ANKRD30B: variants seen among roughly 807,000 people sequenced by gnomAD.
The protein encoded by ANKRD30B is ankyrin repeat domain 30B, also known as ankyrin repeat domain-containing protein 30B.
In ANKRD30B, 144 loss-of-function variants were observed where a neutral mutation model predicts 202.2. The ratio of observed to expected loss-of-function variants is 0.71; its 90% confidence interval spans 0.62 to 0.82. The LOEUF (loss-of-function observed/expected upper bound fraction) is 0.82. ANKRD30B is among the 40% of genes least tolerant of loss of function. The probability of loss-of-function intolerance (pLI) is 0.00; values close to 1 mark genes in which losing one functional copy is unlikely to be tolerated. For synonymous variants in ANKRD30B, 508 were observed against 561.3 expected (o/e 0.91, Z 1.34); for missense variants, 1,487 against 1,669.1 (o/e 0.89, Z 1.90).
At chr18:14,805,022 C>A (rs1487197350) in intron 24 of ANKRD30B, among the ~76,000 whole-genome samples, 13 of 150,396 alleles carry the variant, frequency 8.6e-5, no homozygotes, top group African/African-American at 3.2e-4. Flanking sequence ...TAGGACTAAA[C>A]CTCAGTGACT....
the ANKRD30B span, among the ~76,000 whole-genome samples, chr18:14,919,921 T>A: frequency 6.6e-6 from 1 of 152,196 alleles, no homozygotes; most frequent in Non-Finnish European, 1.5e-5. Flanking sequence ...AAGTCCAGGC[T>A]TCTGTGCTGG....
At chr18:14,872,520 C>T in the ANKRD30B span, among the ~76,000 whole-genome samples, 1 of 152,104 alleles carries the variant, frequency 6.6e-6, no homozygotes. Context: ...TGCACTGCTG[C>T]CATTGGTTAT....
At chr18:14,780,380 G>T (rs1012482984) in intron 11 of ANKRD30B, among the ~76,000 whole-genome samples, 18 of 152,050 alleles carry the variant, frequency 1.2e-4, no homozygotes, top group Non-Finnish European at 1.9e-4. Context: ...GGGAGGAGGA[G>T]GTTGCAGTGA....
chr18:14,893,502 T>C, the ANKRD30B span, among the ~76,000 whole-genome samples: 4 of 152,124 alleles, frequency 2.6e-5, no homozygotes, highest in African/African-American at 7.2e-5. Context: ...TCCCAGTTAC[T>C]CGGGAGGCTG....
chr18:14,797,391 A>G (rs1466885648), intron 18 of ANKRD30B, among the ~76,000 whole-genome samples: 1 of 152,124 alleles, frequency 6.6e-6, no homozygotes, highest in East Asian at 1.9e-4. Flanking sequence ...TGGCAGTCCA[A>G]CCTGGCATTG....
chr18:14,810,195 T>A lies in ANKRD30B; in HGVS notation c.2488+15T>A. On this transcript the variant is annotated intron_variant, in intron 28 of 43. Coordinates refer to ENST00000690538, the MANE Select transcript of ANKRD30B (RefSeq NM_001367607.2). The stretch of plus-strand genomic sequence containing the variant: ...ATTAAAAGCAGGTAAACTTTGTAAT[T>A]TAAATTTTACTCTGGAATTAAGAAT... The A allele has an allele frequency of 1.5e-6, 2 of 1,317,718 alleles. No individual in the cohort carries two copies. The highest frequency in any genetic ancestry group is 2.8e-5 in the South Asian group (2 of 72,694). The allele number at this position is 1,317,718 out of a possible 1,614,324, so 81.6% of individuals were successfully genotyped here.
At chr18:14,772,903 G>A (rs1967105343) in intron 9 of ANKRD30B, among the ~76,000 whole-genome samples, 1 of 152,008 alleles carries the variant, frequency 6.6e-6, no homozygotes, top group African/African-American at 2.4e-5. Flanking sequence ...GATTGCTTGA[G>A]CCCAAGAGTT....
At chr18:14,874,819 GT>G in the ANKRD30B span, among the ~76,000 whole-genome samples, 1 of 152,172 alleles carries the variant, frequency 6.6e-6, no homozygotes, top group South Asian at 2.1e-4. Context: ...AGATAGTATA[GT>G]TTGATTCTTC....
intron 24 of ANKRD30B, among the ~76,000 whole-genome samples, chr18:14,805,002 A>T (rs903135034): frequency 6.6e-6 from 1 of 150,670 alleles, no homozygotes; most frequent in African/African-American, 2.5e-5. Flanking sequence ...AATCATGAGG[A>T]TTACTAGAAT....
intron 24 of ANKRD30B, 128 bp from the exon 25 acceptor site, chr18:14,808,423 C>A: frequency 9.6e-7 from 1 of 1,037,676 alleles, no homozygotes; most frequent in Admixed American, 1.9e-5. Flanking sequence ...CCAAAAGACC[C>A]CAAAACCTAG....
the ANKRD30B span, among the ~76,000 whole-genome samples, chr18:14,886,277 T>A: frequency 1.3e-5 from 2 of 152,040 alleles, no homozygotes; most frequent in Non-Finnish European, 2.9e-5. Context: ...TGCATGACCT[T>A]AGGTTTATCA....
At chr18:14,864,799 T>G in the ANKRD30B span, among the ~76,000 whole-genome samples, 1 of 151,826 alleles carries the variant, frequency 6.6e-6, no homozygotes, top group East Asian at 2.0e-4. Context: ...TATCATCTTT[T>G]TCTCCCATCC....
chr18:14,834,031 T>G (rs1971070797), intron 34 of ANKRD30B, among the ~76,000 whole-genome samples: 1 of 152,226 alleles, frequency 6.6e-6, no homozygotes, highest in Non-Finnish European at 1.5e-5. Context: ...GATTTATTCT[T>G]TTTTCTCTGT....
chr18:14,938,727 C>T, the ANKRD30B span, among the ~76,000 whole-genome samples: 11 of 152,244 alleles, frequency 7.2e-5, no homozygotes, highest in East Asian at 5.8e-4. Context: ...ACCCATGAGG[C>T]GTAAGCATAT....
chr18:14,887,554 T>C, the ANKRD30B span, among the ~76,000 whole-genome samples: 3 of 152,056 alleles, frequency 2.0e-5, no homozygotes, highest in African/African-American at 7.2e-5. Context: ...GAGACATCTA[T>C]TGTAAGCATT....
At chr18:14,807,267 A>G (rs1484973828) in intron 24 of ANKRD30B, among the ~76,000 whole-genome samples, 1 of 151,050 alleles carries the variant, frequency 6.6e-6, no homozygotes, top group African/African-American at 2.4e-5. Context: ...TGAGGAAATG[A>G]GATATATTTC....
the ANKRD30B span, among the ~76,000 whole-genome samples, chr18:14,928,355 G>T: frequency 6.6e-6 from 1 of 152,198 alleles, no homozygotes; most frequent in Non-Finnish European, 1.5e-5. Context: ...GGATGAATCT[G>T]TGAGGATGTT....
chr18:14,932,657 G>A, the ANKRD30B span, among the ~76,000 whole-genome samples: 4 of 152,112 alleles, frequency 2.6e-5, no homozygotes, highest in Admixed American at 2.6e-4. Context: ...CTATCTTAAT[G>A]AATATTTTGT....
At chr18:14,828,396 G>A in intron 33 of ANKRD30B, 88 bp downstream of exon 33, 1 of 976,856 alleles carries the variant, frequency 1.0e-6, no homozygotes, top group South Asian at 1.7e-5. Flanking sequence ...TTCTACTCTG[G>A]GCTAGACAAC....
Sources: allele counts gnomAD v4.1 joint callset (sites outside exome capture counted in the v4.1 genomes callset), GRCh38; gene constraint gnomAD v4.1.1; transcripts MANE v1.5; gene names NCBI Gene and HGNC (gene_info 2026-07-23, HGNC 2026-07-21).